GALNT18: variants seen among roughly 807,000 people sequenced by gnomAD.
GALNT18 encodes GalNAc-transferase 18.
GALNT18 carries 44 observed loss-of-function variants against 69.5 expected under a neutral mutation model. That is an observed-to-expected ratio of 0.63 (90% confidence interval 0.50 to 0.81). The LOEUF is 0.81. GALNT18 is among the 40% of genes least tolerant of loss of function. GALNT18 has a pLI of 0.00. For synonymous variants in GALNT18, 364 were observed against 318.2 expected, an observed-to-expected ratio of 1.14 and a Z score of -1.53; for missense variants, 715 against 810.0, an observed-to-expected ratio of 0.88 and a Z score of 1.42.
At chr11:11,490,022 T>C (rs1489522361) in intron 1 of GALNT18, among the ~76,000 whole-genome samples, 3 of 152,188 alleles carry the variant, frequency 2.0e-5, no homozygotes, top group Non-Finnish European at 4.4e-5. Flanking sequence ...TCATCTCCAA[T>C]GTGACAGTGT....
At chr11:11,375,377 A>G (rs1175892596) in intron 5 of GALNT18, among the ~76,000 whole-genome samples, 1 of 152,240 alleles carries the variant, frequency 6.6e-6, no homozygotes, top group African/African-American at 2.4e-5. Context: ...CCTGGAATGC[A>G]GGCTTGCTGA....
At chr11:11,278,140 C>T (rs1848988095) in intron 10 of GALNT18, among the ~76,000 whole-genome samples, 1 of 151,922 alleles carries the variant, frequency 6.6e-6, no homozygotes, top group African/African-American at 2.4e-5. Context: ...GGGTCTAAGT[C>T]TCATTTTAGG....
rs180929568 is a variant in GALNT18 at position 11,491,969 on chromosome 11, G to C, written c.236-43033C>G. On this transcript the variant is annotated intron_variant, in intron 1 of 10. Coordinates refer to ENST00000227756, the MANE Select transcript of GALNT18 (RefSeq NM_198516.3). ...ATGAAAAGCTCATCTCTCATAGAAA[G>C]GAAGAGTACCTATGATTCATTTAGC... Among the ~76,000 whole-genome samples the C allele has an allele frequency of 4.3e-3, 654 of 152,268 alleles. 5 individuals are homozygous for C. The highest frequency in any genetic ancestry group is 6.1e-3 in the Non-Finnish European group (416 of 68,022).
At chr11:11,393,646 G>C (rs955141466) in intron 3 of GALNT18, among the ~76,000 whole-genome samples, 4 of 152,358 alleles carry the variant, frequency 2.6e-5, no homozygotes, top group Admixed American at 6.5e-5. Flanking sequence ...TGGGCTGCCA[G>C]TAGAGGAACA....
chr11:11,495,639 C>G (rs1856854112), intron 1 of GALNT18, among the ~76,000 whole-genome samples: 1 of 152,180 alleles, frequency 6.6e-6, no homozygotes. Context: ...AGAGAGCAAG[C>G]AGTAACACCC....
intron 3 of GALNT18, among the ~76,000 whole-genome samples, chr11:11,384,105 G>C (rs1159852995): frequency 6.6e-6 from 1 of 151,960 alleles, no homozygotes; most frequent in Non-Finnish European, 1.5e-5. Flanking sequence ...TACTAATCTA[G>C]TTGCTGTGAT....
chr11:11,587,647 A>G lies in GALNT18; in HGVS notation c.235+33712T>C, dbSNP rs1454272146. On this transcript the variant is annotated intron_variant, in intron 1 of 10. Coordinates refer to ENST00000227756, the MANE Select transcript of GALNT18 (RefSeq NM_198516.3). The surrounding 1 kb of genome is among the most constrained non-coding windows in gnomAD (Gnocchi z 4.4). ...CCTCACCAATGCTGTTTCCAAAGTT[A>G]TATCCTAGAGAAGTAATACCAGTCA... is the stretch of plus-strand genomic sequence containing the variant. Among the ~76,000 whole-genome samples the G allele has an allele frequency of 1.3e-5, 2 of 152,202 alleles. No homozygotes were observed. Among genetic ancestry groups the G allele is most frequent in the African/African-American group, 4.8e-5 (2 of 41,458 alleles).
chr11:11,615,674 C>A (rs1717641893), intron 1 of GALNT18, among the ~76,000 whole-genome samples: 1 of 151,844 alleles, frequency 6.6e-6, no homozygotes, highest in African/African-American at 2.4e-5. Flanking sequence ...TAAAGAAGTA[C>A]AACTTTTTAT....
chr11:11,334,851 C>G (rs1295748325), intron 7 of GALNT18, among the ~76,000 whole-genome samples: 2 of 152,186 alleles, frequency 1.3e-5, no homozygotes, highest in African/African-American at 2.4e-5. Flanking sequence ...TAGCACTGAG[C>G]ATGAGCTACT....
chr11:11,343,209 G>C (rs117570537), intron 6 of GALNT18, among the ~76,000 whole-genome samples: 90 of 152,114 alleles, frequency 5.9e-4, no homozygotes, highest in African/African-American at 2.1e-3. Flanking sequence ...TTACCCGGGC[G>C]TGGTGGCACG....
chr11:11,429,208 T>C (rs1469303875), intron 3 of GALNT18, among the ~76,000 whole-genome samples: 1 of 152,248 alleles, frequency 6.6e-6, no homozygotes, highest in East Asian at 1.9e-4. Flanking sequence ...TGTGGTTTCA[T>C]GTGAATAGAC....
chr11:11,474,497 C>T (rs527718995), intron 1 of GALNT18, among the ~76,000 whole-genome samples: 10 of 152,138 alleles, frequency 6.6e-5, no homozygotes, highest in East Asian at 1.9e-4. Flanking sequence ...GAACAGAATC[C>T]GATTAACATA....
At chr11:11,429,337 A>G (rs999078606) in intron 3 of GALNT18, among the ~76,000 whole-genome samples, 3 of 151,972 alleles carry the variant, frequency 2.0e-5, no homozygotes, top group Non-Finnish European at 4.4e-5. Context: ...TACATATCTT[A>G]CCCTCAGTAT....
At chr11:11,350,017 A>G (rs767936368) in intron 6 of GALNT18, among the ~76,000 whole-genome samples, 2 of 152,358 alleles carry the variant, frequency 1.3e-5, no homozygotes, top group South Asian at 4.1e-4. Flanking sequence ...CAGTTGAAGC[A>G]GTTCCTCTGT....
Position 11,553,928 on chromosome 11 carries a change from G to T in GALNT18, c.235+67431C>A, listed in dbSNP as rs1363945420. ...CAGCCCCGGAAAATTTGCCACAGAG[G>T]ACACGAGCGGCTCGGGCTCTGCCTG... On this transcript the variant is annotated intron_variant, in intron 1 of 10. Coordinates refer to ENST00000227756, the MANE Select transcript of GALNT18 (RefSeq NM_198516.3). Among the ~76,000 whole-genome samples the T allele has an allele frequency of 2.0e-5, 3 of 152,278 alleles. No individual in the cohort carries two copies. In the East Asian group the frequency reaches 5.8e-4, roughly 29 times the overall value.
At chr11:11,293,784 C>T (rs1262591145) in intron 9 of GALNT18, among the ~76,000 whole-genome samples, 1 of 152,144 alleles carries the variant, frequency 6.6e-6, no homozygotes, top group Non-Finnish European at 1.5e-5. Flanking sequence ...TCGTGATCTG[C>T]CTGCCTTGAA....
rs548838381 is a variant in GALNT18, at chr11:11,339,634, T to A, written c.1278+1185A>T. ...TGCAGTTCCCCAGAAACACTCTTAC[T>A]GTCAGGAATGCAATCCCGGGCTGGT... On this transcript the variant is annotated intron_variant, in intron 7 of 10. Transcript: ENST00000227756. The surrounding 1 kb of genome is among the most constrained non-coding windows in gnomAD (Gnocchi z 5.2). Among the ~76,000 whole-genome samples, 1 of 152,316 alleles carries A rather than the reference T, an allele frequency of 6.6e-6. No individual in the cohort carries two copies. The highest frequency in any genetic ancestry group is 1.9e-4 in the East Asian group (1 of 5,190).
chr11:11,280,599 C>T (rs946330689), intron 10 of GALNT18, among the ~76,000 whole-genome samples: 2 of 152,200 alleles, frequency 1.3e-5, no homozygotes, highest in Non-Finnish European at 2.9e-5. Flanking sequence ...TTTTTCCCAG[C>T]ATTTCCAGGT....
intron 10 of GALNT18, among the ~76,000 whole-genome samples, chr11:11,277,190 C>A (rs1393362786): frequency 1.3e-5 from 2 of 152,144 alleles, no homozygotes; most frequent in Non-Finnish European, 1.5e-5. Context: ...AATTTCAGAG[C>A]CTGTTATTGG....
Sources: gnomAD v4.1 joint callset for allele counts (sites outside exome capture counted in the v4.1 genomes callset) on GRCh38, gnomAD v4.1.1 for gene constraint, Gnocchi (gnomAD v3.1) non-coding constraint, MANE v1.5 for transcripts, NCBI Gene and HGNC (gene_info 2026-07-23, HGNC 2026-07-21) for gene names.